Variants in PDE11A observed in about 807,000 individuals in gnomAD.
PDE11A encodes the protein phosphodiesterase 11A, also known as dual 3',5'-cyclic-AMP and -GMP phosphodiesterase 11A.
PDE11A carries 100 observed loss-of-function variants against 100.5 expected under a neutral mutation model. The ratio of observed to expected loss-of-function variants is 1.00; its 90% CI spans 0.85 to 1.18. The LOEUF (loss-of-function observed/expected upper bound fraction) is 1.18. Ranked by LOEUF, PDE11A falls within the 50% of genes most tolerant of loss-of-function variation. PDE11A has a pLI of 0.00. For missense variants in PDE11A, 1,141 were observed against 1,152.6 expected (o/e 0.99, Z 0.15); for synonymous variants, 381 against 420.8 (o/e 0.91, Z 1.16).
chr2:177,959,213 T>A (rs1384975413), intron 2 of PDE11A, among the ~76,000 whole-genome samples: 1 of 151,892 alleles, frequency 6.6e-6, no homozygotes. Flanking sequence ...TTGGTATGAG[T>A]CAGGAACAGA....
In PDE11A at chr2:177,883,420, A is replaced by G. The variant is rs566667997; in HGVS notation, c.1303-7497T>C. ...TGCACCAAGCACTGCTATAGGCTCT[A>G]TAAACACCAAGGGGCACAAACCATA... On this transcript the variant is annotated intron_variant, in intron 4 of 19. Coordinates refer to ENST00000286063, the MANE Select transcript of PDE11A (RefSeq NM_016953.4). 2.0e-5 allele frequency among the ~76,000 whole-genome samples: 3 copies of G among 152,334 alleles called. No homozygotes were observed. The South Asian group carries it at 6.2e-4, about 32-fold the overall frequency.
intron 14 of PDE11A, 28 bp from the exon 15 acceptor site, chr2:177,697,460 A>G: frequency 9.5e-7 from 1 of 1,058,054 alleles, no homozygotes; most frequent in East Asian, 2.4e-5. Flanking sequence ...AAAGTCACAA[A>G]AGACATTAAA....
At chr2:177,901,198 G>A (rs772703525) in intron 3 of PDE11A, among the ~76,000 whole-genome samples, 28 of 152,030 alleles carry the variant, frequency 1.8e-4, no homozygotes, top group Non-Finnish European at 3.7e-4. Flanking sequence ...GTACCTGATG[G>A]ATCAGCTGGC....
intron 19 of PDE11A, among the ~76,000 whole-genome samples, chr2:177,638,288 C>T (rs902245302): frequency 1.6e-4 from 25 of 152,164 alleles, no homozygotes; most frequent in Non-Finnish European, 1.8e-4. Flanking sequence ...CGTGAGCCAC[C>T]GCGCCCAGCC....
intron 10 of PDE11A, among the ~76,000 whole-genome samples, chr2:177,758,296 CAAA>C (rs78765770): frequency 1.5e-5 from 1 of 65,006 alleles, no homozygotes; most frequent in Non-Finnish European, 3.2e-5. Flanking sequence ...GACTCCGTCT[CAAA>C]AAAAAAAAAA....
intron 12 of PDE11A, among the ~76,000 whole-genome samples, chr2:177,712,711 G>C (rs2081374434): frequency 6.6e-6 from 1 of 152,174 alleles, no homozygotes; most frequent in Admixed American, 6.5e-5. Context: ...TTTAGAAGAG[G>C]AAGTGGACCT....
chr2:177,831,962 G>A (rs2083315985), intron 6 of PDE11A, among the ~76,000 whole-genome samples: 1 of 152,184 alleles, frequency 6.6e-6, no homozygotes, highest in Non-Finnish European at 1.5e-5. Context: ...GGCTTGGGCA[G>A]TACAGGTATT....
intron 2 of PDE11A, chr2:177,926,821 A>T (rs1197101505): frequency 1.3e-5 from 2 of 152,068 alleles, no homozygotes; most frequent in East Asian, 3.9e-4. Flanking sequence ...ATCCTGGCTC[A>T]TTCTGAGGAC....
chr2:177,991,267 G>A (rs1027517208), intron 2 of PDE11A, among the ~76,000 whole-genome samples: 19 of 150,600 alleles, frequency 1.3e-4, no homozygotes, highest in Admixed American at 3.3e-4. Flanking sequence ...GGAGGCGGAG[G>A]TTGCAGTGAG....
At chr2:177,869,497 C>G (rs571118767) in intron 5 of PDE11A, among the ~76,000 whole-genome samples, 1 of 152,280 alleles carries the variant, frequency 6.6e-6, no homozygotes, top group African/African-American at 2.4e-5. Flanking sequence ...TCTGTTGAGC[C>G]TTTTCAGCTT....
intron 15 of PDE11A, chr2:177,683,236 T>A (rs2080890813): frequency 6.6e-6 from 1 of 152,190 alleles, no homozygotes; most frequent in South Asian, 2.1e-4. Context: ...CCTTTCAAGA[T>A]GATGCAGGTC....
In PDE11A at chr2:177,990,812, G is replaced by A. The variant is rs572768632; in HGVS notation, c.1071+23490C>T. On this transcript the variant is annotated intron_variant, in intron 2 of 19. Coordinates refer to ENST00000286063, the MANE Select transcript of PDE11A (RefSeq NM_016953.4). ...GCCTGTAATCCTAGCACTTTGGGAG[G>A]TGGAGGTGGACAGATCACAAGGTCA... 6.0e-5 allele frequency among the ~76,000 whole-genome samples: 9 copies of A among 150,402 alleles called. 1 individual carries two copies. Among genetic ancestry groups the A allele is most frequent in the African/African-American group, 2.0e-4 (8 of 40,828 alleles).
At chr2:177,924,452 C>T (rs13400109) in intron 2 of PDE11A, among the ~76,000 whole-genome samples, 13,068 of 152,172 alleles carry the variant, frequency 0.086, 532 homozygotes, top group South Asian at 0.1. Flanking sequence ...AGTTTGATTC[C>T]ATGACTTCTC....
At chr2:177,714,380 A>G (rs2081405616) in intron 12 of PDE11A, among the ~76,000 whole-genome samples, 1 of 152,184 alleles carries the variant, frequency 6.6e-6, no homozygotes, top group Non-Finnish European at 1.5e-5. Context: ...TGTACCATAC[A>G]TTGTTCTAAG....
chr2:177,734,157 T>C (rs778512539), intron 10 of PDE11A, among the ~76,000 whole-genome samples: 14 of 152,220 alleles, frequency 9.2e-5, no homozygotes, highest in Non-Finnish European at 2.1e-4. Flanking sequence ...TGGACCTATG[T>C]GAGGGACAAT....
Position 177,734,986 on chromosome 2 carries a change from A to T in PDE11A, c.1789-6814T>A, listed in dbSNP as rs1049076971. ...AGTTTAATCCATTTTAATTCAGTAC[A>T]TATGTATTGTGCATCTAACTGTACG... On this transcript the variant is annotated intron_variant, in intron 10 of 19. Transcript: ENST00000286063. Among the ~76,000 whole-genome samples the T allele has an allele frequency of 4.6e-5, 7 of 152,356 alleles. No homozygotes were observed. In the South Asian group the frequency reaches 8.3e-4, roughly 18 times the overall value.
At chr2:177,722,297 C>T (rs1436361882) in intron 12 of PDE11A, among the ~76,000 whole-genome samples, 2 of 152,090 alleles carry the variant, frequency 1.3e-5, no homozygotes, top group African/African-American at 2.4e-5. Flanking sequence ...GAAAAATACC[C>T]AGCTCTGGCT....
At chr2:177,656,522 A>T (rs1445260702) in intron 19 of PDE11A, among the ~76,000 whole-genome samples, 3 of 151,406 alleles carry the variant, frequency 2.0e-5, no homozygotes, top group African/African-American at 7.4e-5. Context: ...AAATGACATT[A>T]TAAGCTTACT....
chr2:177,980,951 G>A (rs1241799355), intron 2 of PDE11A, among the ~76,000 whole-genome samples: 1 of 142,370 alleles, frequency 7.0e-6, no homozygotes, highest in Non-Finnish European at 1.6e-5. Context: ...AAGTGGCTAC[G>A]ACCTTAAACC....
Sources: gnomAD v4.1 joint callset for allele counts (sites outside exome capture counted in the v4.1 genomes callset) on GRCh38, gnomAD v4.1.1 for gene constraint, MANE v1.5 for transcripts, NCBI Gene and HGNC (gene_info 2026-07-23, HGNC 2026-07-21) for gene names.